Variants in DNMBP observed in about 807,000 individuals in gnomAD.
DNMBP encodes the protein dynamin-binding protein.
Under a neutral mutation model 150.0 loss-of-function variants are expected in DNMBP, and 87 were observed. That is an observed-to-expected ratio of 0.58 (90% CI 0.49 to 0.69). DNMBP has a LOEUF of 0.69. Among genes scored for constraint, DNMBP ranks in the 30% least tolerant of loss-of-function variants. The probability of loss-of-function intolerance (pLI) is 0.00; values close to 1 mark genes in which losing one functional copy is unlikely to be tolerated. For missense variants in DNMBP, 1,774 were observed against 1,949.0 expected (o/e 0.91, Z 1.69); for synonymous variants, 711 against 750.4 (o/e 0.95, Z 0.86).
intron 4 of DNMBP, among the ~76,000 whole-genome samples, chr10:99,920,216 C>T (rs921823294): frequency 2.0e-5 from 3 of 152,040 alleles, no homozygotes; most frequent in African/African-American, 4.8e-5. Flanking sequence ...GCTGGGATTA[C>T]AGGCACGCGC....
chr10:99,975,237 G>A (rs1186608443), intron 1 of DNMBP, among the ~76,000 whole-genome samples: 1 of 152,132 alleles, frequency 6.6e-6, no homozygotes, highest in Non-Finnish European at 1.5e-5. Flanking sequence ...GTGCATGCCT[G>A]TAATCCCAGC....
At chr10:99,889,038 T>C in intron 11 of DNMBP, 85 bp from the exon 12 acceptor site, 1 of 1,478,094 alleles carries the variant, frequency 6.8e-7, no homozygotes, top group Non-Finnish European at 9.1e-7. Context: ...ATAGCAGTCT[T>C]GGAAAAATGA....
intron 4 of DNMBP, among the ~76,000 whole-genome samples, chr10:99,915,307 T>C (rs999179667): frequency 2.0e-5 from 3 of 151,448 alleles, no homozygotes; most frequent in Non-Finnish European, 4.4e-5. Flanking sequence ...ATCCCAGAGT[T>C]TGTCTCAGGG....
chr10:99,900,469 T>A (rs2039723024), intron 6 of DNMBP, among the ~76,000 whole-genome samples: 1 of 152,002 alleles, frequency 6.6e-6, no homozygotes, highest in Non-Finnish European at 1.5e-5. Flanking sequence ...TTTCGCCATG[T>A]TGCCCAGGCT....
At chr10:99,886,674 C>A (rs753471816) in intron 12 of DNMBP, 42 bp from the exon 13 acceptor site, 7 of 1,560,660 alleles carry the variant, frequency 4.5e-6, no homozygotes, top group Non-Finnish European at 6.1e-6. Flanking sequence ...TGGACAGCAT[C>A]CCACATTTGT....
In DNMBP at chr10:99,955,302, A is replaced by G; in HGVS notation, c.2172T>C (p.Asp724=). ...CGAGGGTCTCTGCTCTTGATGATTC[A>G]TCCTGCTTCTCCTCCAGCATGAGGT... ...ELNLMLEEKQ[D]ESSRAETLED... The change falls in exon 4 of 17, where the codon GAT becomes GAC. Residue 724 remains aspartate (D), a synonymous_variant. Transcript: ENST00000324109. The G allele has an allele frequency of 6.2e-7, 1 of 1,614,078 alleles. No homozygotes were observed. The highest frequency in any genetic ancestry group is 8.5e-7 in the Non-Finnish European group (1 of 1,180,010).
chr10:99,875,813 A>G lies in DNMBP; in HGVS notation c.*1338T>C, dbSNP rs1256378137. On this transcript the variant is annotated 3_prime_UTR_variant, in exon 17 of 17. Coordinates refer to ENST00000324109, the MANE Select transcript of DNMBP (RefSeq NM_015221.4). ...CCCTTTCTTTTAAAAGACAAATTTC[A>G]TGGTTTCCCATTCCAAGATAGGCTT... 1.3e-5 allele frequency: 2 copies of G among 152,154 alleles called. No individual in the cohort carries two copies. The highest frequency in any genetic ancestry group is 2.9e-5 in the Non-Finnish European group (2 of 68,028). 9.4% of individuals were successfully genotyped at this position (152,154 alleles called of 1,614,324 possible).
At chr10:99,904,249 T>C (rs1226751507) in intron 6 of DNMBP, among the ~76,000 whole-genome samples, 1 of 150,470 alleles carries the variant, frequency 6.6e-6, no homozygotes, top group African/African-American at 2.4e-5. Context: ...CGTGAGACTG[T>C]CTCGAAAAAA....
chr10:99,901,567 T>C (rs2039738946), intron 6 of DNMBP, among the ~76,000 whole-genome samples: 1 of 152,110 alleles, frequency 6.6e-6, no homozygotes, highest in South Asian at 2.1e-4. Flanking sequence ...ATAGGAACAG[T>C]TCCTAAGCAA....
intron 1 of DNMBP, among the ~76,000 whole-genome samples, chr10:99,977,104 A>G (rs2040735993): frequency 6.6e-6 from 1 of 152,124 alleles, no homozygotes; most frequent in Non-Finnish European, 1.5e-5. Context: ...AGCAGAGGAG[A>G]ATCTGGCTCA....
At chr10:99,966,874 G>A (rs11190345) in intron 3 of DNMBP, among the ~76,000 whole-genome samples, 58,555 of 151,696 alleles carry the variant, frequency 0.39, 11,561 homozygotes, top group African/African-American at 0.46. Flanking sequence ...TCAACCTCCT[G>A]GGCTCAGGCT....
intron 1 of DNMBP, among the ~76,000 whole-genome samples, chr10:99,987,652 G>C (rs1196727571): frequency 6.6e-6 from 1 of 151,828 alleles, no homozygotes; most frequent in Non-Finnish European, 1.5e-5. Flanking sequence ...AGGATCACTT[G>C]AACCCAGGGG....
At chr10:99,877,818 C>T (rs2017202) in intron 16 of DNMBP, among the ~76,000 whole-genome samples, 20,068 of 151,964 alleles carry the variant, frequency 0.13, 1,952 homozygotes, top group African/African-American at 0.27. Flanking sequence ...GAGCCAAGAT[C>T]GCGCCACTGG....
At chr10:99,957,265 G>T (rs886686728) in intron 3 of DNMBP, 60 bp from the exon 4 acceptor site, 2 of 1,418,642 alleles carry the variant, frequency 1.4e-6, no homozygotes, top group Admixed American at 2.0e-5. Context: ...ACATTATCAC[G>T]ACTAATAGTG....
At chr10:99,990,304 G>A (rs1372578319) in intron 1 of DNMBP, among the ~76,000 whole-genome samples, 1 of 152,086 alleles carries the variant, frequency 6.6e-6, no homozygotes, top group African/African-American at 2.4e-5. Flanking sequence ...TGTAATCCCA[G>A]CACTTTGAGA....
intron 1 of DNMBP, among the ~76,000 whole-genome samples, chr10:100,001,415 T>TG (rs1347699197): frequency 1.8e-4 from 25 of 139,906 alleles, no homozygotes; most frequent in East Asian, 6.2e-4. Flanking sequence ...TTGTTGTTGT[T>TG]TTTTTTTTTT....
In DNMBP at chr10:99,877,092, C is replaced by CGAATCATTA; in HGVS notation, c.*58_*59insTAATGATTC. ...AGCAGGCGCCCTCTCGGTGGGCCGC[C>CGAATCATTA]AGAACCCTCGGCGGACTGAAAGCAA... On this transcript the variant is annotated 3_prime_UTR_variant, in exon 17 of 17. Coordinates refer to ENST00000324109, the MANE Select transcript of DNMBP (RefSeq NM_015221.4). 2 of 1,383,400 alleles carry CGAATCATTA rather than the reference C, an allele frequency of 1.4e-6. No homozygotes were observed. Among genetic ancestry groups the CGAATCATTA allele is most frequent in the East Asian group, 2.7e-5 (1 of 36,964 alleles). The allele number at this position is 1,383,400 out of a possible 1,614,324, so 85.7% of individuals were successfully genotyped here.
At chr10:99,968,007 A>G (rs2040637182) in intron 3 of DNMBP, among the ~76,000 whole-genome samples, 1 of 152,118 alleles carries the variant, frequency 6.6e-6, no homozygotes, top group Admixed American at 6.6e-5. Flanking sequence ...ATTTATATTT[A>G]TATATTTATG....
At chr10:99,914,739 C>T (rs941412561) in intron 4 of DNMBP, among the ~76,000 whole-genome samples, 2 of 151,800 alleles carry the variant, frequency 1.3e-5, no homozygotes, top group South Asian at 2.1e-4. Flanking sequence ...AAATGGAGAA[C>T]GGGGAAAAGA....
Sources: allele counts gnomAD v4.1 joint callset (sites outside exome capture counted in the v4.1 genomes callset), GRCh38; gene constraint gnomAD v4.1.1; transcripts MANE v1.5; gene names NCBI Gene and HGNC (gene_info 2026-07-23, HGNC 2026-07-21).